PCDH9: variants seen among roughly 807,000 people sequenced by gnomAD.
PCDH9 encodes the protein protocadherin-9.
A neutral mutation model predicts 70.6 loss-of-function variants in PCDH9; 24 were observed. That is an observed-to-expected ratio of 0.34 (90% CI 0.25 to 0.48). The LOEUF (loss-of-function observed/expected upper bound fraction) is 0.48, where lower values mean the gene tolerates loss of function less well. PCDH9 is among the 20% of genes least tolerant of loss of function. The pLI is 0.99. For synonymous variants in PCDH9, 562 were observed against 558.5 expected (o/e 1.01, Z -0.09); for missense variants, 1,281 against 1,503.6 (o/e 0.85, Z 2.45).
At chr13:66,789,224 T>G (rs1335637650) in intron 3 of PCDH9, among the ~76,000 whole-genome samples, 3 of 152,128 alleles carry the variant, frequency 2.0e-5, no homozygotes. Context: ...TTTAGCAGGG[T>G]GAAATGTGAC....
chr13:66,422,912 C>G (rs544153378), intron 4 of PCDH9, among the ~76,000 whole-genome samples: 1 of 151,950 alleles, frequency 6.6e-6, no homozygotes, highest in Admixed American at 6.6e-5. Context: ...AGAGTGCTAG[C>G]CAGACTAATA....
chr13:66,571,162 TGA>T (rs1279486619), intron 4 of PCDH9, among the ~76,000 whole-genome samples: 1 of 152,080 alleles, frequency 6.6e-6, no homozygotes, highest in Non-Finnish European at 1.5e-5. Flanking sequence ...TTGTTTCCTA[TGA>T]GAGAATATTT....
intron 4 of PCDH9, among the ~76,000 whole-genome samples, chr13:66,315,996 C>T (rs1955645609): frequency 6.6e-6 from 1 of 152,174 alleles, no homozygotes; most frequent in Admixed American, 6.5e-5. Flanking sequence ...GTTGAGAGGG[C>T]TGGTTCCTTC....
chr13:66,858,468 A>G (rs372738555), intron 3 of PCDH9, among the ~76,000 whole-genome samples: 4 of 152,264 alleles, frequency 2.6e-5, no homozygotes, highest in African/African-American at 9.6e-5. Context: ...ACCTAACACC[A>G]TTGGGCCAGC....
intron 3 of PCDH9, among the ~76,000 whole-genome samples, chr13:66,778,640 T>G (rs2079940385): frequency 6.6e-6 from 1 of 152,228 alleles, no homozygotes; most frequent in African/African-American, 2.4e-5. Flanking sequence ...AGATATTGTT[T>G]ACTATGTGCC....
At chr13:67,183,991 T>A (rs895281581) in intron 2 of PCDH9, among the ~76,000 whole-genome samples, 1 of 152,232 alleles carries the variant, frequency 6.6e-6, no homozygotes, top group African/African-American at 2.4e-5. Context: ...TGATCATTCA[T>A]TGATTCTTCT....
chr13:66,660,978 T>C (rs1041487612), intron 3 of PCDH9, among the ~76,000 whole-genome samples: 6 of 152,200 alleles, frequency 3.9e-5, no homozygotes, highest in Non-Finnish European at 8.8e-5. Flanking sequence ...ATCTAAAACA[T>C]AATTCATAAG....
chr13:66,805,225 T>C (rs2080391895), intron 3 of PCDH9, among the ~76,000 whole-genome samples: 1 of 152,166 alleles, frequency 6.6e-6, no homozygotes. Context: ...TCCTAAAGTG[T>C]GGATACAACA....
At chr13:66,884,558 A>G (rs536213674) in intron 3 of PCDH9, among the ~76,000 whole-genome samples, 1 of 152,296 alleles carries the variant, frequency 6.6e-6, no homozygotes, top group Admixed American at 6.5e-5. Context: ...AAAAGGAAAA[A>G]TAGCATAAGA....
At chr13:66,640,232 T>C (rs556531667) in intron 3 of PCDH9, among the ~76,000 whole-genome samples, 30 of 152,278 alleles carry the variant, frequency 2.0e-4, no homozygotes, top group African/African-American at 7.2e-4. Flanking sequence ...CACCACAAAA[T>C]GTGTGATAAA....
At chr13:66,967,427 C>G (rs1480657610) in intron 2 of PCDH9, among the ~76,000 whole-genome samples, 1 of 151,934 alleles carries the variant, frequency 6.6e-6, no homozygotes, top group African/African-American at 2.4e-5. Flanking sequence ...ATTCAGAGTG[C>G]TCAGAAACTG....
At chr13:66,594,577 C>T (rs1343166418) in intron 4 of PCDH9, among the ~76,000 whole-genome samples, 1 of 151,046 alleles carries the variant, frequency 6.6e-6, no homozygotes, top group South Asian at 2.1e-4. Context: ...TAAACATGTG[C>T]CATGGTGGTT....
chr13:66,796,787 G>A (rs753860713), intron 3 of PCDH9, among the ~76,000 whole-genome samples: 18 of 152,140 alleles, frequency 1.2e-4, no homozygotes, highest in Non-Finnish European at 1.8e-4. Context: ...TATATTAGAT[G>A]TGTGTTATTA....
chr13:67,149,019 G>A (rs539670720), intron 2 of PCDH9, among the ~76,000 whole-genome samples: 2 of 152,202 alleles, frequency 1.3e-5, no homozygotes, highest in African/African-American at 4.8e-5. Flanking sequence ...AACTTACAAA[G>A]GTTTTTACCT....
In PCDH9 at chr13:66,533,632, A is replaced by C. The variant is rs144303493; in HGVS notation, c.3340+97578T>G. Among the ~76,000 whole-genome samples the C allele has an allele frequency of 4.4e-3, 673 of 152,254 alleles. 28 individuals are homozygous for C. The East Asian group carries it at 0.086, about 19-fold the overall frequency. On this transcript the variant is annotated intron_variant, in intron 4 of 4. Coordinates refer to ENST00000377865, the MANE Select transcript of PCDH9 (RefSeq NM_203487.3). ...AAGTCTACAAAATAGACATGACATA[A>C]AAGTTGTCTGAAATAAACAAAAACC...
chr13:66,530,692 G>A (rs766728663), intron 4 of PCDH9, among the ~76,000 whole-genome samples: 1 of 151,754 alleles, frequency 6.6e-6, no homozygotes, highest in Non-Finnish European at 1.5e-5. Context: ...CAGCAACATA[G>A]GTTTTTTGTC....
intron 4 of PCDH9, among the ~76,000 whole-genome samples, chr13:66,413,803 C>A (rs1024047457): frequency 6.6e-6 from 1 of 151,860 alleles, no homozygotes; most frequent in Non-Finnish European, 1.5e-5. Context: ...GAAGAGAAAA[C>A]AATAAATATT....
At chr13:66,760,726 C>T (rs2079611609) in intron 3 of PCDH9, among the ~76,000 whole-genome samples, 2 of 152,160 alleles carry the variant, frequency 1.3e-5, no homozygotes. Context: ...TCATATTTCT[C>T]TTCTTGCAAA....
At chr13:66,609,424 C>A (rs1321887343) in intron 4 of PCDH9, among the ~76,000 whole-genome samples, 1 of 152,030 alleles carries the variant, frequency 6.6e-6, no homozygotes, top group Non-Finnish European at 1.5e-5. Context: ...TATTTTACTA[C>A]AGGTTACCAC....
Sources: allele counts gnomAD v4.1 joint callset (sites outside exome capture counted in the v4.1 genomes callset), GRCh38; gene constraint gnomAD v4.1.1; transcripts MANE v1.5; gene names NCBI Gene and HGNC (gene_info 2026-07-23, HGNC 2026-07-21).